Variants in EPHB1 observed in about 807,000 individuals in gnomAD.
EPHB1 encodes EPH receptor B1.
EPHB1 carries 30 observed loss-of-function variants against 94.4 expected under a neutral mutation model. The observed-to-expected ratio is 0.32, with a 90% CI of 0.24 to 0.43. The LOEUF (loss-of-function observed/expected upper bound fraction) is 0.43, where lower values mean the gene tolerates loss of function less well. Among genes scored for constraint, EPHB1 ranks in the 20% least tolerant of loss-of-function variants. The probability of loss-of-function intolerance (pLI) is 1.00; values close to 1 mark genes in which losing one functional copy is unlikely to be tolerated. For missense variants in EPHB1, 1,055 were observed against 1,308.3 expected (o/e 0.81, Z 2.99); for synonymous variants, 522 against 489.1 (o/e 1.07, Z -0.89).
chr3:134,865,474 T>C (rs1337285817), intron 1 of EPHB1, among the ~76,000 whole-genome samples: 1 of 152,192 alleles, frequency 6.6e-6, no homozygotes, highest in Middle Eastern at 3.2e-3. Context: ...ACCCTGATGT[T>C]TCATTTCTAG....
chr3:134,898,356 A>G (rs2038127519), intron 1 of EPHB1, among the ~76,000 whole-genome samples: 1 of 152,132 alleles, frequency 6.6e-6, no homozygotes, highest in Non-Finnish European at 1.5e-5. Context: ...TGGGGCTGAG[A>G]AGCTGAGTGT....
At chr3:134,829,017 A>G (rs2036535013) in intron 1 of EPHB1, among the ~76,000 whole-genome samples, 1 of 152,200 alleles carries the variant, frequency 6.6e-6, no homozygotes, top group South Asian at 2.1e-4. Flanking sequence ...ATGCTAACCA[A>G]TTCCTGGGGC....
chr3:134,976,605 G>A lies in EPHB1; in HGVS notation c.805+24553G>A, dbSNP rs575088978. On this transcript the variant is annotated intron_variant, in intron 3 of 15. Transcript: ENST00000398015. ...AGCTTAGGGTTCACTTTCTCCAGAC[G>A]TCACCCCATCTCCTCCTCTATGCAT... 3.3e-5 allele frequency among the ~76,000 whole-genome samples: 5 copies of A among 152,250 alleles called. No homozygotes were observed. In the East Asian group the frequency reaches 7.7e-4, roughly 24 times the overall value.
intron 2 of EPHB1, among the ~76,000 whole-genome samples, chr3:134,938,435 G>C (rs993384131): frequency 6.6e-6 from 1 of 152,218 alleles, no homozygotes; most frequent in African/African-American, 2.4e-5. Flanking sequence ...CCCTCTAGTA[G>C]TGTGGCTGGA....
rs551807133 is a variant in EPHB1 at position 135,038,991 on chromosome 3, G to A, written c.806-67457G>A. Among the ~76,000 whole-genome samples, 4 of 152,226 alleles carry A rather than the reference G, an allele frequency of 2.6e-5. No homozygotes were observed. The East Asian group carries it at 7.8e-4, about 30-fold the overall frequency. On this transcript the variant is annotated intron_variant, in intron 3 of 15. Transcript: ENST00000398015. ...TTACAATCCCTGAGCTAGATACAAA[G>A]GTTCTCTATGTCCCCATCAGATTAG...
intron 10 of EPHB1, among the ~76,000 whole-genome samples, chr3:135,185,788 GCATTGCTTCCGATGGCATTTTGGAATACC>G (rs1211062308): frequency 6.6e-6 from 1 of 152,214 alleles, no homozygotes; most frequent in Non-Finnish European, 1.5e-5. Flanking sequence ...GTATACAGAG[GCATTGCTTCCGATGGCATTTTGGAATACC>G]CATTGCTTCT....
At chr3:135,215,852 A>G (rs754273593) in intron 12 of EPHB1, among the ~76,000 whole-genome samples, 1 of 152,190 alleles carries the variant, frequency 6.6e-6, no homozygotes, top group Non-Finnish European at 1.5e-5. Context: ...CGATCCTGCT[A>G]GTCCTGGAGG....
chr3:134,918,391 T>C (rs1035639093), intron 1 of EPHB1, among the ~76,000 whole-genome samples: 4 of 152,212 alleles, frequency 2.6e-5, no homozygotes, highest in African/African-American at 9.6e-5. Flanking sequence ...GTGGCATATC[T>C]TGGAGTTAGT....
chr3:134,918,297 GGAA>G (rs1364890093), intron 1 of EPHB1, among the ~76,000 whole-genome samples: 2 of 152,154 alleles, frequency 1.3e-5, no homozygotes, highest in African/African-American at 2.4e-5. Flanking sequence ...ATGGGGTGCT[GGAA>G]GAAGGGCTTC....
At chr3:135,018,408 A>C (rs975536145) in intron 3 of EPHB1, among the ~76,000 whole-genome samples, 1 of 152,056 alleles carries the variant, frequency 6.6e-6, no homozygotes, top group Non-Finnish European at 1.5e-5. Flanking sequence ...CTGTCACTTC[A>C]TTCTGTAATG....
chr3:135,106,409 C>T (rs1167712861), intron 3 of EPHB1, 39 bp from the exon 4 acceptor site: 1 of 1,609,776 alleles, frequency 6.2e-7, no homozygotes, highest in Admixed American at 1.7e-5. Context: ...CTGGCTGCCA[C>T]ACTTCCATTA....
At chr3:134,878,819 A>T (rs938757170) in intron 1 of EPHB1, among the ~76,000 whole-genome samples, 15 of 152,234 alleles carry the variant, frequency 9.9e-5, no homozygotes, top group African/African-American at 3.1e-4. Flanking sequence ...GTTCATTTGT[A>T]AAACAGTCAC....
intron 1 of EPHB1, among the ~76,000 whole-genome samples, chr3:134,803,513 G>A (rs34740861): frequency 0.048 from 7,355 of 152,230 alleles, 240 homozygotes; most frequent in Middle Eastern, 0.092. Flanking sequence ...ACTGGAGGTC[G>A]GTTTTTAGGG....
chr3:134,843,437 A>G (rs2036813525), intron 1 of EPHB1, among the ~76,000 whole-genome samples: 1 of 151,980 alleles, frequency 6.6e-6, no homozygotes, highest in African/African-American at 2.4e-5. Flanking sequence ...TTAAATTTGA[A>G]CTGTTTTAAA....
At chr3:135,249,916 A>T (rs1306211442) in intron 15 of EPHB1, among the ~76,000 whole-genome samples, 1 of 152,222 alleles carries the variant, frequency 6.6e-6, no homozygotes, top group Non-Finnish European at 1.5e-5. Context: ...AGCAGTTGTC[A>T]ACAAGCATGC....
intron 3 of EPHB1, among the ~76,000 whole-genome samples, chr3:134,952,373 A>T (rs917562223): frequency 5.6e-4 from 67 of 118,776 alleles, no homozygotes; most frequent in East Asian, 1.6e-3. Context: ...TCTCTCTCTC[A>T]CACACACACA....
At chr3:134,852,801 T>C (rs1284354810) in intron 1 of EPHB1, among the ~76,000 whole-genome samples, 1 of 152,174 alleles carries the variant, frequency 6.6e-6, no homozygotes, top group Non-Finnish European at 1.5e-5. Context: ...GCCACTGTCA[T>C]GGGATAAGGG....
At chr3:134,862,296 G>A (rs1264520965) in intron 1 of EPHB1, among the ~76,000 whole-genome samples, 2 of 152,092 alleles carry the variant, frequency 1.3e-5, no homozygotes, top group African/African-American at 4.8e-5. Context: ...AGGGAGAGAG[G>A]AAGAGCAGTT....
chr3:134,989,059 T>C (rs576623137), intron 3 of EPHB1, among the ~76,000 whole-genome samples: 1 of 152,268 alleles, frequency 6.6e-6, no homozygotes, highest in East Asian at 1.9e-4. Flanking sequence ...GAGCTAAGAA[T>C]TGGACCCCTA....
Sources: allele counts gnomAD v4.1 joint callset (sites outside exome capture counted in the v4.1 genomes callset), GRCh38; gene constraint gnomAD v4.1.1; transcripts MANE v1.5; gene names NCBI Gene and HGNC (gene_info 2026-07-23, HGNC 2026-07-21).